Variants in ANK2 observed in about 807,000 individuals in gnomAD.
ANK2 encodes the protein ankyrin-2.
In ANK2, 83 loss-of-function variants were observed where a neutral mutation model predicts 360.5. The observed-to-expected ratio is 0.23, with a 90% CI of 0.19 to 0.28. ANK2 has a LOEUF of 0.28. Among genes scored for constraint, ANK2 ranks in the 10% least tolerant of loss-of-function variants. The pLI, the probability that ANK2 is intolerant of heterozygous loss-of-function variation, is 1.00. For missense variants in ANK2, 4,201 were observed against 4,795.7 expected (o/e 0.88, Z 3.66); for synonymous variants, 1,740 against 1,759.5 (o/e 0.99, Z 0.28).
At chr4:112,785,732 G>A in the ANK2 span, among the ~76,000 whole-genome samples, 11 of 151,722 alleles carry the variant, frequency 7.3e-5, no homozygotes, top group East Asian at 3.9e-4. Context: ...TAGTGGGCGC[G>A]ATCATAGCTC....
At chr4:113,219,966 T>C (rs980655825) in intron 4 of ANK2, among the ~76,000 whole-genome samples, 3 of 152,106 alleles carry the variant, frequency 2.0e-5, no homozygotes, top group African/African-American at 7.2e-5. Flanking sequence ...AAATAAAAAA[T>C]GTAAATGGGT....
In ANK2 at chr4:113,078,615, C is replaced by A. The variant is rs182754015; in HGVS notation, c.84+28803C>A. On this transcript the variant is annotated intron_variant, in intron 1 of 45. Transcript: ENST00000357077. ...GTCCTGTGAGGTACTGTTATTATTG[C>A]CATTTTAAAGATGAGGAGACTGAGG... Among the ~76,000 whole-genome samples the A allele has an allele frequency of 9.2e-5, 14 of 152,168 alleles. 1 individual carries two copies. The highest frequency in any genetic ancestry group is 1.8e-4 in the Non-Finnish European group (12 of 67,998).
At chr4:112,850,440 C>T (rs28804527) in intron 1 of ANK2, among the ~76,000 whole-genome samples, 9,074 of 52,612 alleles carry the variant, frequency 0.17, 574 homozygotes, top group African/African-American at 0.34. Context: ...AGTTGTTGTT[C>T]GTTTCTTTTT....
chr4:113,210,649 G>A (rs1415324885), intron 4 of ANK2, among the ~76,000 whole-genome samples: 2 of 152,172 alleles, frequency 1.3e-5, no homozygotes, highest in African/African-American at 4.8e-5. Context: ...TGTAAAACAG[G>A]TAAGGAATAA....
Position 113,232,225 on chromosome 4 carries a change from T to C in ANK2, c.449T>C (p.Leu150Pro). ...CACATTGATGTTGTAAAATATTTGC[T>C]GGAAAATGGAGCTAATCAGAGCACT... ...ENHIDVVKYL[L>P]ENGANQSTAT... The change falls in exon 5 of 46, where the codon CTG becomes CCG. Residue 150 changes from leucine (L) to proline (P), a missense_variant. Around this residue, in one of 4 missense-constraint regions of ANK2, gnomAD observed 169 missense variants for 191.1 expected, o/e 0.88. Coordinates refer to ENST00000357077, the MANE Select transcript of ANK2 (RefSeq NM_001148.6). The C allele has an allele frequency of 6.2e-7, 1 of 1,606,734 alleles. No homozygotes were observed. The highest frequency in any genetic ancestry group is 8.5e-7 in the Non-Finnish European group (1 of 1,173,376).
rs1423530404 is a variant in ANK2 at position 112,909,668 on chromosome 4, A to G, written c.21+5154A>G. On this transcript the variant is annotated intron_variant, in intron 2 of 30. Coordinates refer to the ANK2 transcript ENST00000503271. ...CCAAAGTAGCACGGATTTTTCTGAA[A>G]GAAAAGAACTGAATTTTGGGGAAAA... is the stretch of plus-strand genomic sequence containing the variant. Among the ~76,000 whole-genome samples the G allele has an allele frequency of 3.3e-5, 5 of 152,348 alleles. No homozygotes were observed. The East Asian group carries it at 9.6e-4, about 29-fold the overall frequency.
intron 2 of ANK2, among the ~76,000 whole-genome samples, chr4:112,998,188 A>G (rs1358702750): frequency 3.3e-5 from 5 of 152,016 alleles, no homozygotes. Flanking sequence ...AATAATCGCC[A>G]TTTTCAAGGT....
At chr4:112,795,188 A>G in the ANK2 span, among the ~76,000 whole-genome samples, 1 of 152,222 alleles carries the variant, frequency 6.6e-6, no homozygotes, top group Non-Finnish European at 1.5e-5. Context: ...CAATAAATGT[A>G]GAAGAGAGAT....
At position 113,332,181 on chromosome 4, in the gene ANK2, G is replaced by T. The variant is rs56256480; in HGVS notation, c.3224+111G>T. The T allele has an allele frequency of 0.023, 22,418 of 993,190 alleles. 322 individuals are homozygous for T. Among genetic ancestry groups the T allele is most frequent in the Non-Finnish European group, 0.026 (16,134 of 624,302 alleles). The allele number at this position is 993,190 out of a possible 1,614,324, so 61.5% of individuals were successfully genotyped here. A position where few individuals can be genotyped will look rare whatever the true frequency, so the allele number is the denominator to read the frequency against. On this transcript the variant is annotated intron_variant, in intron 28 of 45. Coordinates refer to ENST00000357077, the MANE Select transcript of ANK2 (RefSeq NM_001148.6). ...GTGCCCATGACATGTCCCTTTCTAT[G>T]ATTTAAATTCTGTATAACCTATCTT...
intron 1 of ANK2, among the ~76,000 whole-genome samples, chr4:112,852,695 A>G (rs867907957): frequency 6.6e-6 from 1 of 152,240 alleles, no homozygotes; most frequent in African/African-American, 2.4e-5. Flanking sequence ...TATCCTATTT[A>G]AAATTCTTCT....
At chr4:112,722,913 A>G in the ANK2 span, among the ~76,000 whole-genome samples, 1 of 152,030 alleles carries the variant, frequency 6.6e-6, no homozygotes, top group Non-Finnish European at 1.5e-5. Flanking sequence ...GCAGTGAGCC[A>G]TGATCACGCC....
intron 1 of ANK2, among the ~76,000 whole-genome samples, chr4:112,856,449 C>T (rs139810406): frequency 5.9e-5 from 9 of 152,220 alleles, no homozygotes; most frequent in East Asian, 5.8e-4. Flanking sequence ...TATTATTGGC[C>T]GGGTGTGGTG....
intron 42 of ANK2, 148 bp downstream of exon 42, chr4:113,367,999 A>G (rs1301253188): frequency 1.3e-5 from 13 of 979,592 alleles, no homozygotes; most frequent in Non-Finnish European, 1.8e-5. Flanking sequence ...GGAAAAAAAA[A>G]GCGTTAACAT....
At chr4:113,148,138 A>G (rs888267904) in intron 1 of ANK2, among the ~76,000 whole-genome samples, 2 of 152,146 alleles carry the variant, frequency 1.3e-5, no homozygotes, top group African/African-American at 2.4e-5. Context: ...ATTCTTGACC[A>G]TGTTTTGATA....
At chr4:113,312,279 GA>G (rs567713285) in intron 24 of ANK2, among the ~76,000 whole-genome samples, 116 of 119,700 alleles carry the variant, frequency 9.7e-4, no homozygotes, top group Middle Eastern at 4.1e-3. Context: ...TCTTGAGACA[GA>G]AAAAAAAAAA....
chr4:113,289,296 G>A (rs2153734262), intron 20 of ANK2, among the ~76,000 whole-genome samples: 1 of 149,188 alleles, frequency 6.7e-6, no homozygotes, highest in South Asian at 2.1e-4. Flanking sequence ...GCTCACTGCA[G>A]TCTAGAACCT....
the ANK2 span, among the ~76,000 whole-genome samples, chr4:112,725,512 C>T: frequency 1.3e-5 from 2 of 151,480 alleles, no homozygotes; most frequent in Non-Finnish European, 2.9e-5. Context: ...AGATGCGAGT[C>T]ACCATGCCCG....
intron 24 of ANK2, among the ~76,000 whole-genome samples, chr4:113,315,316 C>T (rs1198405813): frequency 6.6e-6 from 1 of 152,214 alleles, no homozygotes; most frequent in Non-Finnish European, 1.5e-5. Context: ...TAGCCATAGT[C>T]ACTCCTTGAG....
At chr4:113,185,744 T>C (rs931748602) in intron 2 of ANK2, among the ~76,000 whole-genome samples, 4 of 152,246 alleles carry the variant, frequency 2.6e-5, no homozygotes, top group Admixed American at 2.6e-4. Flanking sequence ...TTGGCTGTTG[T>C]TGGCATTGCT....
Sources: allele counts gnomAD v4.1 joint callset (sites outside exome capture counted in the v4.1 genomes callset), GRCh38; gene constraint gnomAD v4.1.1; regional missense constraint gnomAD v4.1.1; transcripts MANE v1.5; gene names NCBI Gene and HGNC (gene_info 2026-07-23, HGNC 2026-07-21).